Variants in GRID2 observed in about 807,000 individuals in gnomAD.
GRID2 encodes the protein glutamate ionotropic receptor delta type subunit 2.
A neutral mutation model predicts 114.8 loss-of-function variants in GRID2; 33 were observed. The ratio of observed to expected loss-of-function variants is 0.29; its 90% CI spans 0.22 to 0.38. The LOEUF (loss-of-function observed/expected upper bound fraction) is 0.38. Ranked by LOEUF, GRID2 falls within the 10% of genes least tolerant of loss-of-function variation. The pLI is 1.00. For synonymous variants in GRID2, 505 were observed against 449.9 expected (o/e 1.12, Z -1.55); for missense variants, 1,184 against 1,257.7 (o/e 0.94, Z 0.89).
chr4:92,551,974 G>A (rs923163586), intron 1 of GRID2, among the ~76,000 whole-genome samples: 13 of 152,078 alleles, frequency 8.5e-5, no homozygotes, highest in Middle Eastern at 3.4e-3. Flanking sequence ...TAAGATAAAG[G>A]CAAAATAGTA....
At chr4:92,596,788 G>A (rs557487871) in intron 2 of GRID2, among the ~76,000 whole-genome samples, 1 of 151,574 alleles carries the variant, frequency 6.6e-6, no homozygotes, top group Non-Finnish European at 1.5e-5. Context: ...CTAATTTTGA[G>A]ATTACTCAGT....
chr4:93,768,616 G>A (rs527568483), intron 14 of GRID2, among the ~76,000 whole-genome samples: 5 of 152,024 alleles, frequency 3.3e-5, no homozygotes, highest in African/African-American at 4.8e-5. Flanking sequence ...TCAGTTGTGC[G>A]AAAAACCAAA....
At chr4:93,690,107 T>A (rs2110112397) in intron 14 of GRID2, among the ~76,000 whole-genome samples, 1 of 152,102 alleles carries the variant, frequency 6.6e-6, no homozygotes, top group African/African-American at 2.4e-5. Flanking sequence ...TCTTTTAAAA[T>A]CTGTATACAA....
intron 1 of GRID2, among the ~76,000 whole-genome samples, chr4:92,435,291 G>A (rs1012683729): frequency 1.3e-5 from 2 of 152,122 alleles, no homozygotes; most frequent in Non-Finnish European, 2.9e-5. Flanking sequence ...CTTTGTGATC[G>A]AAGGAGTTTA....
intron 1 of GRID2, among the ~76,000 whole-genome samples, chr4:93,785,151 G>A (rs956294279): frequency 2.6e-5 from 4 of 152,122 alleles, no homozygotes; most frequent in Non-Finnish European, 5.9e-5. Context: ...AGGAAAAGCA[G>A]GACAGAAGAC....
chr4:92,948,140 TCATTTTA>T (rs901431767), intron 2 of GRID2, among the ~76,000 whole-genome samples: 1 of 152,018 alleles, frequency 6.6e-6, no homozygotes, highest in East Asian at 1.9e-4. Context: ...ACCTGAGGTT[TCATTTTA>T]CATTTTAAAG....
chr4:92,666,362 T>A (rs1485599234), intron 2 of GRID2, among the ~76,000 whole-genome samples: 1 of 151,586 alleles, frequency 6.6e-6, no homozygotes, highest in Non-Finnish European at 1.5e-5. Flanking sequence ...AAGACAGTTG[T>A]TTTAAAGTCA....
chr4:93,140,946 A>G (rs1310117334), intron 4 of GRID2, among the ~76,000 whole-genome samples: 2 of 152,288 alleles, frequency 1.3e-5, no homozygotes, highest in African/African-American at 2.4e-5. Flanking sequence ...CACCTCAAAT[A>G]TAAGATTATA....
rs114388357 is a variant in GRID2, at chr4:93,250,499, A to T, written c.1245+12009A>T. Reference sequence around the variant, plus strand: ...TCCCAGAACTTAAAGCATAAAAAAAATAATAATTCTGCTATTGATTTGGGT... The same window carrying T: ...TCCCAGAACTTAAAGCATAAAAAAATTAATAATTCTGCTATTGATTTGGGT... On this transcript the variant is annotated intron_variant, in intron 8 of 15. Transcript: ENST00000282020. Among the ~76,000 whole-genome samples, 1,364 of 151,854 alleles carry T rather than the reference A, an allele frequency of 9.0e-3. 25 individuals are homozygous for T. The highest frequency in any genetic ancestry group is 0.031 in the African/African-American group (1,294 of 41,390).
At chr4:93,788,891 C>T (rs1381036880) in intron 1 of GRID2, among the ~76,000 whole-genome samples, 1 of 152,118 alleles carries the variant, frequency 6.6e-6, no homozygotes. Flanking sequence ...ACATTTAAGC[C>T]CTCTTGTGGT....
intron 1 of GRID2, among the ~76,000 whole-genome samples, chr4:93,805,900 T>C (rs1735019511): frequency 6.6e-6 from 1 of 152,108 alleles, no homozygotes; most frequent in Non-Finnish European, 1.5e-5. Flanking sequence ...AGTTTGAGAC[T>C]AGCTTGACCA....
chr4:92,331,260 A>T (rs537226741), intron 1 of GRID2, among the ~76,000 whole-genome samples: 1 of 152,202 alleles, frequency 6.6e-6, no homozygotes, highest in Non-Finnish European at 1.5e-5. Flanking sequence ...TTAAGTAGAA[A>T]GGCAAGAGAA....
intron 2 of GRID2, among the ~76,000 whole-genome samples, chr4:92,635,299 T>C (rs143067988): frequency 3.9e-5 from 6 of 152,234 alleles, no homozygotes; most frequent in African/African-American, 1.4e-4. Flanking sequence ...TTTGTTTATG[T>C]GTATCCTTGA....
intron 8 of GRID2, among the ~76,000 whole-genome samples, chr4:93,245,086 T>C (rs187246057): frequency 9.3e-4 from 141 of 152,238 alleles, no homozygotes; most frequent in Non-Finnish European, 1.8e-3. Context: ...CTCTTCTATG[T>C]GTATATGTAA....
intron 7 of GRID2, among the ~76,000 whole-genome samples, chr4:93,237,576 T>C (rs761268014): frequency 3.3e-5 from 5 of 151,928 alleles, no homozygotes; most frequent in Non-Finnish European, 7.4e-5. Context: ...AAATTTTAAG[T>C]TAGACATATT....
intron 9 of GRID2, among the ~76,000 whole-genome samples, chr4:93,399,144 G>A (rs1765644530): frequency 6.6e-6 from 1 of 151,888 alleles, no homozygotes; most frequent in African/African-American, 2.4e-5. Context: ...TATATTCCAA[G>A]TATTTACGTC....
At chr4:92,638,051 A>G (rs979698762) in intron 2 of GRID2, among the ~76,000 whole-genome samples, 1 of 151,988 alleles carries the variant, frequency 6.6e-6, no homozygotes. Context: ...TATTTTTACT[A>G]TAATCTCCTG....
intron 1 of GRID2, among the ~76,000 whole-genome samples, chr4:92,528,789 G>A (rs1184500644): frequency 7.4e-6 from 1 of 135,130 alleles, no homozygotes; most frequent in Non-Finnish European, 1.5e-5. Context: ...CACTAAAGTC[G>A]TTTCTTTGTT....
chr4:93,607,553 TG>T (rs1418223685), intron 13 of GRID2, among the ~76,000 whole-genome samples: 1 of 152,162 alleles, frequency 6.6e-6, no homozygotes, highest in East Asian at 1.9e-4. Context: ...GATAGATTCC[TG>T]GGAATGGAAT....
Sources: gnomAD v4.1 joint callset for allele counts (sites outside exome capture counted in the v4.1 genomes callset) on GRCh38, gnomAD v4.1.1 for gene constraint, MANE v1.5 for transcripts, NCBI Gene and HGNC (gene_info 2026-07-23, HGNC 2026-07-21) for gene names.